The following CA10 variants were observed in gnomAD, a reference collection of about 807,000 sequenced individuals.
The protein encoded by CA10 is carbonic anhydrase 10 (inactive), also known as carbonic anhydrase-related protein 10.
CA10 carries 14 observed loss-of-function variants against 44.2 expected under a neutral mutation model. The observed-to-expected ratio is 0.32, with a 90% CI of 0.21 to 0.50. The LOEUF (loss-of-function observed/expected upper bound fraction) is 0.50. Ranked by LOEUF, CA10 falls within the 20% of genes least tolerant of loss-of-function variation. CA10 has a pLI of 0.99. For synonymous variants in CA10, 159 were observed against 141.6 expected, an observed-to-expected ratio of 1.12 and a Z score of -0.87; for missense variants, 350 against 409.7, an observed-to-expected ratio of 0.85 and a Z score of 1.26.
chr17:51,745,603 C>A (rs542757432), intron 4 of CA10, among the ~76,000 whole-genome samples: 1 of 152,222 alleles, frequency 6.6e-6, no homozygotes, highest in African/African-American at 2.4e-5. Context: ...ATATGTTTCC[C>A]TTAAGGATTT....
intron 3 of CA10, among the ~76,000 whole-genome samples, chr17:51,858,550 G>C (rs1979156206): frequency 1.3e-5 from 2 of 152,174 alleles, no homozygotes; most frequent in Admixed American, 6.5e-5. Context: ...TTGTTTACAA[G>C]GGCAAAGCCG....
At chr17:51,987,176 T>C (rs914659551) in intron 2 of CA10, among the ~76,000 whole-genome samples, 1 of 151,862 alleles carries the variant, frequency 6.6e-6, no homozygotes, top group Non-Finnish European at 1.5e-5. Flanking sequence ...ATACTACTTA[T>C]GATGGAATAC....
intron 3 of CA10, among the ~76,000 whole-genome samples, chr17:51,799,787 TAA>T (rs1377942156): frequency 6.6e-6 from 1 of 152,140 alleles, no homozygotes; most frequent in Admixed American, 6.5e-5. Context: ...ATGATCAGGG[TAA>T]AGCAAGTTAA....
chr17:52,006,891 C>T (rs1009452934), intron 2 of CA10, among the ~76,000 whole-genome samples: 2 of 151,666 alleles, frequency 1.3e-5, no homozygotes, highest in African/African-American at 2.4e-5. Flanking sequence ...TTTAGCCAGT[C>T]GTGCACATTG....
intron 2 of CA10, among the ~76,000 whole-genome samples, chr17:51,935,344 T>C (rs1356439026): frequency 6.6e-6 from 1 of 152,148 alleles, no homozygotes; most frequent in African/African-American, 2.4e-5. Context: ...TAATGCTGTG[T>C]CTTTACTTGA....
At chr17:51,694,389 C>T (rs781395321) in intron 4 of CA10, among the ~76,000 whole-genome samples, 1 of 151,910 alleles carries the variant, frequency 6.6e-6, no homozygotes, top group Non-Finnish European at 1.5e-5. Context: ...TTTTGATTTG[C>T]ATTCCTCTGA....
At chr17:51,997,204 T>TA (rs1369948314) in intron 2 of CA10, among the ~76,000 whole-genome samples, 4 of 152,208 alleles carry the variant, frequency 2.6e-5, no homozygotes, top group Non-Finnish European at 2.9e-5. Flanking sequence ...TCATAGTACT[T>TA]ACGCTAATTT....
At chr17:51,685,978 G>T (rs1914994849) in intron 4 of CA10, among the ~76,000 whole-genome samples, 1 of 152,148 alleles carries the variant, frequency 6.6e-6, no homozygotes, top group African/African-American at 2.4e-5. Context: ...CCCAGGGATT[G>T]GGGGGCTAAC....
At chr17:51,917,827 G>A (rs975087389) in intron 3 of CA10, among the ~76,000 whole-genome samples, 5 of 152,144 alleles carry the variant, frequency 3.3e-5, no homozygotes, top group Admixed American at 3.3e-4. Context: ...GAGATTTGGA[G>A]GGCACAATAT....
chr17:51,643,959 A>C (rs1003960827), intron 6 of CA10, among the ~76,000 whole-genome samples: 4 of 152,200 alleles, frequency 2.6e-5, no homozygotes, highest in African/African-American at 9.6e-5. Context: ...GTCAGGCAAC[A>C]AAAGGAAGTG....
At chr17:51,926,653 T>C (rs1319485917) in intron 3 of CA10, among the ~76,000 whole-genome samples, 1 of 152,208 alleles carries the variant, frequency 6.6e-6, no homozygotes, top group Non-Finnish European at 1.5e-5. Context: ...TGGCCCTGTG[T>C]CACTCCGACC....
intron 2 of CA10, among the ~76,000 whole-genome samples, chr17:52,065,406 T>C (rs1312484581): frequency 1.3e-5 from 2 of 152,216 alleles, no homozygotes; most frequent in Non-Finnish European, 2.9e-5. Context: ...TCTTTTTCTT[T>C]AAGGAATATT....
intron 3 of CA10, among the ~76,000 whole-genome samples, chr17:51,831,339 T>G (rs576259948): frequency 6.6e-5 from 10 of 152,320 alleles, no homozygotes; most frequent in African/African-American, 2.2e-4. Context: ...GTGGAAGCTG[T>G]TTGCAGTTCA....
Position 51,975,872 on chromosome 17 carries a change from GAAAAAAAA to G in CA10, c.137-44748_137-44741del, listed in dbSNP as rs139387796. Among the ~76,000 whole-genome samples, 9 of 98,118 alleles carry G rather than the reference GAAAAAAAA, an allele frequency of 9.2e-5. No individual in the cohort carries two copies. In the South Asian group the frequency reaches 2.9e-3, roughly 31 times the overall value. The allele number at this position is 98,118 out of a possible 152,430, so 64.4% of individuals were successfully genotyped here. ...GGTGACAGAGTTAGACTCTGTCTCG[GAAAAAAAA>G]AAAAAAAAAAAAAGCAAGAGTCAAC... On this transcript the variant is annotated intron_variant, in intron 2 of 8. Coordinates refer to ENST00000451037, the MANE Select transcript of CA10 (RefSeq NM_020178.5).
At chr17:51,971,029 G>A (rs1984262234) in intron 2 of CA10, among the ~76,000 whole-genome samples, 1 of 151,896 alleles carries the variant, frequency 6.6e-6, no homozygotes, top group South Asian at 2.1e-4. Context: ...TTCATTAGTG[G>A]GTATGATCTA....
Position 51,747,707 on chromosome 17 carries a change from T to A in CA10, c.391A>T (p.Ile131Phe), listed in dbSNP as rs1239917267. 1 of 1,614,062 alleles carries A rather than the reference T, an allele frequency of 6.2e-7. No individual in the cohort carries two copies. Among genetic ancestry groups the A allele is most frequent in the African/African-American group, 1.3e-5 (1 of 74,932 alleles). The change falls in exon 4 of 9, where the codon ATC becomes TTC. Residue 131 changes from isoleucine (I) to phenylalanine (F), a missense_variant. Physicochemically the swap from Ile to Phe is conservative, Grantham distance 21. Transcript: ENST00000451037. ...PMTYSHRLEE[I>F]RLHFGSEDSQ... Reference sequence around the variant, plus strand: ...TCCTCACTCCCAAAGTGTAGTCGGATCTCCTCCAGCCGGTGGCTGTATGTC... The same window carrying A: ...TCCTCACTCCCAAAGTGTAGTCGGAACTCCTCCAGCCGGTGGCTGTATGTC...
intron 2 of CA10, among the ~76,000 whole-genome samples, chr17:51,932,226 G>GC (rs1982694585): frequency 6.6e-6 from 1 of 152,120 alleles, no homozygotes; most frequent in Non-Finnish European, 1.5e-5. Flanking sequence ...GTAGAGGGGA[G>GC]GCAGGGAGTG....
At chr17:52,110,626 G>A (rs529874269) in intron 1 of CA10, among the ~76,000 whole-genome samples, 9 of 152,288 alleles carry the variant, frequency 5.9e-5, no homozygotes, top group East Asian at 1.9e-4. Context: ...AGACAGAGTC[G>A]GGGGAGGAGC....
intron 2 of CA10, among the ~76,000 whole-genome samples, chr17:51,955,409 G>A (rs187323721): frequency 2.0e-5 from 3 of 152,228 alleles, no homozygotes; most frequent in East Asian, 1.9e-4. Context: ...TGGAAATTCA[G>A]CTTCCACTCC....
Sources: allele counts gnomAD v4.1 joint callset (sites outside exome capture counted in the v4.1 genomes callset), GRCh38; gene constraint gnomAD v4.1.1; transcripts MANE v1.5; gene names NCBI Gene and HGNC (gene_info 2026-07-23, HGNC 2026-07-21).